Variants in ADAMTS2 observed in about 807,000 individuals in gnomAD.
ADAMTS2 encodes A disintegrin and metalloproteinase with thrombospondin motifs 2.
In ADAMTS2, 50 loss-of-function variants were observed where a neutral mutation model predicts 123.0. The ratio of observed to expected loss-of-function variants is 0.41; its 90% CI spans 0.32 to 0.51. The LOEUF (loss-of-function observed/expected upper bound fraction) is 0.51, where lower values mean the gene tolerates loss of function less well. Among genes scored for constraint, ADAMTS2 ranks in the 20% least tolerant of loss-of-function variants. The pLI, the probability that ADAMTS2 is intolerant of heterozygous loss-of-function variation, is 0.35. For synonymous variants in ADAMTS2, 678 were observed against 695.4 expected (o/e 0.98, Z 0.39); for missense variants, 1,494 against 1,705.2 (o/e 0.88, Z 2.18).
At chr5:179,315,313 C>A (rs1340443981) in intron 2 of ADAMTS2, among the ~76,000 whole-genome samples, 1 of 152,264 alleles carries the variant, frequency 6.6e-6, no homozygotes, top group Non-Finnish European at 1.5e-5. Context: ...CTGGAAAGCA[C>A]TGAGGCCACA....
At chr5:179,208,125 G>A (rs1356221999) in intron 3 of ADAMTS2, among the ~76,000 whole-genome samples, 5 of 138,466 alleles carry the variant, frequency 3.6e-5, no homozygotes, top group African/African-American at 5.0e-5. Flanking sequence ...ACTGCCTGAC[G>A]CTGGAGTGGG....
At chr5:179,299,664 G>C (rs1013366499) in intron 2 of ADAMTS2, among the ~76,000 whole-genome samples, 2 of 151,886 alleles carry the variant, frequency 1.3e-5, no homozygotes, top group African/African-American at 4.8e-5. Context: ...GCTCTAAGGA[G>C]AATGTTTCCT....
intron 4 of ADAMTS2, among the ~76,000 whole-genome samples, chr5:179,193,907 T>C (rs923564353): frequency 1.3e-5 from 2 of 151,904 alleles, no homozygotes; most frequent in Non-Finnish European, 2.9e-5. Flanking sequence ...CCTCAGGGAG[T>C]GAGAGCCCAC....
rs1206916165 is a variant in ADAMTS2 at position 179,262,459 on chromosome 5, C to T, written c.688+10452G>A. Among the ~76,000 whole-genome samples, 5 of 152,066 alleles carry T rather than the reference C, an allele frequency of 3.3e-5. No homozygotes were observed. Among genetic ancestry groups the T allele is most frequent in the Non-Finnish European group, 5.9e-5 (4 of 68,004 alleles). On this transcript the variant is annotated intron_variant, in intron 3 of 21. Transcript: ENST00000251582. This position sits in a 1 kb window ranked among gnomAD's most constrained non-coding sequence, Gnocchi z 5.9. ...CCGCACAGGGAATGAATTCTCACCC[C>T]GTACCGTGACCGTCCCTTCAAAGCG...
chr5:179,149,372 G>A (rs10068130), intron 10 of ADAMTS2, among the ~76,000 whole-genome samples: 3,984 of 152,322 alleles, frequency 0.026, 185 homozygotes, highest in African/African-American at 0.091. Context: ...CCAGGACTGC[G>A]AAGAACAAGG....
rs763394792 is a variant in ADAMTS2 at position 179,152,172 on chromosome 5, G to T, written c.1599C>A (p.Pro533=). The T allele has an allele frequency of 3.1e-6, 5 of 1,613,820 alleles. No homozygotes were observed. Among genetic ancestry groups the T allele is most frequent in the Non-Finnish European group, 4.2e-6 (5 of 1,179,790 alleles). The change falls in exon 10 of 22, where the codon CCC becomes CCA. Residue 533 remains proline (P), a synonymous_variant. Coordinates refer to ENST00000251582, the MANE Select transcript of ADAMTS2 (RefSeq NM_014244.5). ...PYFCKTKKGP[P]LDGTMCAPGK... Reference sequence around the variant, plus strand: ...CAGGTGCACACATAGTCCCGTCCAAGGGGGGCCCCTTCTTGGTCTTGCAAA... The same window carrying T: ...CAGGTGCACACATAGTCCCGTCCAATGGGGGCCCCTTCTTGGTCTTGCAAA...
chr5:179,290,443 T>C (rs1032820146), intron 2 of ADAMTS2, among the ~76,000 whole-genome samples: 7 of 152,094 alleles, frequency 4.6e-5, no homozygotes, highest in Non-Finnish European at 1.0e-4. Flanking sequence ...AATTACCCAG[T>C]CTCAGGTATT....
rs2113196203 is a variant in ADAMTS2 at position 179,128,121 on chromosome 5, G to GT, written c.2458-4dup. On this transcript the variant is annotated splice_region_variant and splice_polypyrimidine_tract_variant and intron_variant, in intron 16 of 21. Transcript: ENST00000251582. This position sits in a 1 kb window ranked among gnomAD's most constrained non-coding sequence, Gnocchi z 4.9. ...CGGGTGTCTCCCACCGGGATGACCTGTGCCAGCCCAAGAGCCTTGATGTGC... is the reference window on the plus strand; with the variant it reads ...CGGGTGTCTCCCACCGGGATGACCTGTTGCCAGCCCAAGAGCCTTGATGTGC... 2.5e-6 allele frequency: 4 copies of GT among 1,613,130 alleles called. No individual in the cohort carries two copies. The highest frequency in any genetic ancestry group is 3.4e-6 in the Non-Finnish European group (4 of 1,180,000).
At chr5:179,287,847 C>G (rs1756065519) in intron 2 of ADAMTS2, among the ~76,000 whole-genome samples, 1 of 152,206 alleles carries the variant, frequency 6.6e-6, no homozygotes, top group South Asian at 2.1e-4. Context: ...GACGGACGTC[C>G]CCCTTAGAAG....
rs937744996 is a variant in ADAMTS2, at chr5:179,125,110, G to T, written c.2821C>A (p.Arg941Ser). The change falls in exon 19 of 22, where the codon CGC becomes AGC. Residue 941 changes from arginine (R) to serine (S), a missense_variant. Arg to Ser is a moderately radical substitution (Grantham distance 110). This residue lies in a region of ADAMTS2 where 953 missense variants were observed against 1,124.7 expected (regional missense o/e 0.85). Transcript: ENST00000251582. The stretch of plus-strand genomic sequence containing the variant: ...TTGTCGTGTAGCGGCTGAATGCAGC[G>T]CACGGAGCGCACCTGCATGCCTGTC... ...GRTGMQVRSVRCIQPLHDNTT... is the reference protein window; with the variant it reads ...GRTGMQVRSVSCIQPLHDNTT... 3.1e-6 allele frequency: 5 copies of T among 1,612,788 alleles called. No homozygotes were observed. The highest frequency in any genetic ancestry group is 1.7e-5 in the Admixed American group (1 of 59,996).
At chr5:179,277,489 A>C (rs1416519177) in intron 2 of ADAMTS2, among the ~76,000 whole-genome samples, 22 of 11,058 alleles carry the variant, frequency 2.0e-3, no homozygotes, top group Non-Finnish European at 2.8e-3. Context: ...CTGACCCCCC[A>C]CCCGAGACCA....
At chr5:179,336,200 G>A (rs892557570) in intron 2 of ADAMTS2, among the ~76,000 whole-genome samples, 16 of 152,078 alleles carry the variant, frequency 1.1e-4, no homozygotes, top group Non-Finnish European at 1.6e-4. Context: ...CCTGGGCCAC[G>A]ACACTTCCAA....
Position 179,132,142 on chromosome 5 carries a change from C to G in ADAMTS2, c.2290+88G>C. On this transcript the variant is annotated intron_variant, in intron 15 of 21. Transcript: ENST00000251582. This position sits in a 1 kb window ranked among gnomAD's most constrained non-coding sequence, Gnocchi z 6.1. ...CAGGTCATGGCTGCACAACCCGGGC[C>G]CCTGACCCCTGACCCCTGGCACTCT... The G allele has an allele frequency of 7.5e-7, 1 of 1,332,984 alleles. No homozygotes were observed. Among genetic ancestry groups the G allele is most frequent in the South Asian group, 1.2e-5 (1 of 82,384 alleles). The allele number at this position is 1,332,984 out of a possible 1,614,324, so 82.6% of individuals were successfully genotyped here.
At chr5:179,318,002 C>G (rs906746865) in intron 2 of ADAMTS2, among the ~76,000 whole-genome samples, 12 of 152,296 alleles carry the variant, frequency 7.9e-5, no homozygotes, top group African/African-American at 2.9e-4. Flanking sequence ...CCCTGCTGGT[C>G]AGCAGAGCCT....
chr5:179,194,987 G>A (rs1421929068), intron 4 of ADAMTS2, among the ~76,000 whole-genome samples: 1 of 152,152 alleles, frequency 6.6e-6, no homozygotes, highest in Non-Finnish European at 1.5e-5. Context: ...TTCACGATGC[G>A]GCCAGGCCTT....
In ADAMTS2 at chr5:179,317,391, G is replaced by C. The variant is rs769882831; in HGVS notation, c.534+26376C>G. On this transcript the variant is annotated intron_variant, in intron 2 of 21. Transcript: ENST00000251582. The surrounding 1 kb of genome is among the most constrained non-coding windows in gnomAD (Gnocchi z 4.9). ...CGCTGCCCTTCTGACCCCGATTCCTGTCACCAACACAACAGGAAAGGAGCT... is the reference window on the plus strand; with the variant it reads ...CGCTGCCCTTCTGACCCCGATTCCTCTCACCAACACAACAGGAAAGGAGCT... Among the ~76,000 whole-genome samples the C allele has an allele frequency of 9.9e-5, 15 of 152,144 alleles. No individual in the cohort carries two copies. The highest frequency in any genetic ancestry group is 1.9e-4 in the Non-Finnish European group (13 of 68,030).
intron 3 of ADAMTS2, among the ~76,000 whole-genome samples, chr5:179,216,421 TC>T (rs1486926805): frequency 2.2e-5 from 3 of 136,826 alleles, no homozygotes; most frequent in Non-Finnish European, 4.8e-5. Context: ...TTTCCAGCTT[TC>T]CCCCCACCGA....
chr5:179,164,629 G>T (rs1321732690), intron 5 of ADAMTS2, among the ~76,000 whole-genome samples: 1 of 152,116 alleles, frequency 6.6e-6, no homozygotes, highest in Non-Finnish European at 1.5e-5. Flanking sequence ...GTCTTTCCTG[G>T]CCAGCTTGCT....
chr5:179,234,307 C>T lies in ADAMTS2; in HGVS notation c.689-26592G>A, dbSNP rs955210495. Among the ~76,000 whole-genome samples the T allele has an allele frequency of 2.6e-5, 4 of 152,174 alleles. No individual in the cohort carries two copies. The highest frequency in any genetic ancestry group is 5.9e-5 in the Non-Finnish European group (4 of 68,024). ...CAGTCCTCAGGTGACTTCTCCAGCT[C>T]TGCATGGAGAAGGCCTCACCATGCA... On this transcript the variant is annotated intron_variant, in intron 3 of 21. Transcript: ENST00000251582. The surrounding 1 kb of genome is among the most constrained non-coding windows in gnomAD (Gnocchi z 4.7).
Sources: allele counts gnomAD v4.1 joint callset (sites outside exome capture counted in the v4.1 genomes callset), GRCh38; gene constraint gnomAD v4.1.1; regional missense constraint gnomAD v4.1.1; non-coding constraint Gnocchi (gnomAD v3.1); transcripts MANE v1.5; gene names NCBI Gene and HGNC (gene_info 2026-07-23, HGNC 2026-07-21).